LRP1B: variants seen among roughly 807,000 people sequenced by gnomAD.
LRP1B encodes the protein LDL receptor related protein 1B, also known as low-density lipoprotein receptor-related protein 1B.
In LRP1B, 217 loss-of-function variants were observed where a neutral mutation model predicts 556.6. That is an observed-to-expected ratio of 0.39 (90% confidence interval 0.35 to 0.44). The LOEUF (loss-of-function observed/expected upper bound fraction) is 0.44, where lower values mean the gene tolerates loss of function less well. Among genes scored for constraint, LRP1B ranks in the 20% least tolerant of loss-of-function variants. The probability of loss-of-function intolerance (pLI) is 1.00; values close to 1 mark genes in which losing one functional copy is unlikely to be tolerated. For missense variants in LRP1B, 5,053 were observed against 5,620.8 expected (o/e 0.90, Z 3.23); for synonymous variants, 2,047 against 1,865.8 (o/e 1.10, Z -2.50).
At chr2:140,470,664 AAAAAAAAAAT>A (rs1687730802) in intron 60 of LRP1B, among the ~76,000 whole-genome samples, 4 of 151,158 alleles carry the variant, frequency 2.6e-5, no homozygotes, top group South Asian at 2.1e-4. Flanking sequence ...AAAAAAAAAA[AAAAAAAAAAT>A]GGCAAAGATT....
At chr2:141,321,019 T>A (rs1329750282) in intron 3 of LRP1B, among the ~76,000 whole-genome samples, 1 of 152,152 alleles carries the variant, frequency 6.6e-6, no homozygotes, top group Non-Finnish European at 1.5e-5. Flanking sequence ...TTCCTCTTTA[T>A]CTTCTTTAAA....
chr2:141,742,692 T>C (rs991034189), intron 2 of LRP1B, among the ~76,000 whole-genome samples: 1 of 152,196 alleles, frequency 6.6e-6, no homozygotes, highest in African/African-American at 2.4e-5. Context: ...ATTGAATCTG[T>C]AGATTGCTTT....
At chr2:141,871,512 A>G (rs1270493629) in intron 1 of LRP1B, among the ~76,000 whole-genome samples, 1 of 151,994 alleles carries the variant, frequency 6.6e-6, no homozygotes, top group Non-Finnish European at 1.5e-5. Flanking sequence ...AACATAATAA[A>G]TGCATCTACC....
intron 1 of LRP1B, among the ~76,000 whole-genome samples, chr2:142,044,697 C>T (rs1410776731): frequency 6.6e-6 from 1 of 151,700 alleles, no homozygotes; most frequent in Non-Finnish European, 1.5e-5. Context: ...CTCTTTATGA[C>T]TATTTCCTTC....
intron 2 of LRP1B, among the ~76,000 whole-genome samples, chr2:141,484,265 A>T (rs757238504): frequency 1.8e-4 from 26 of 148,194 alleles, no homozygotes; most frequent in Non-Finnish European, 3.1e-4. Context: ...CAAAGATCAG[A>T]TAGTTGTAGA....
chr2:140,979,617 C>A (rs1358298807), intron 18 of LRP1B, among the ~76,000 whole-genome samples: 3 of 152,060 alleles, frequency 2.0e-5, no homozygotes, highest in Admixed American at 2.0e-4. Context: ...CATCAGGGTT[C>A]CTCCCCACCA....
At chr2:141,828,463 G>A (rs887618767) in intron 1 of LRP1B, among the ~76,000 whole-genome samples, 3 of 152,064 alleles carry the variant, frequency 2.0e-5, no homozygotes, top group Non-Finnish European at 4.4e-5. Flanking sequence ...AGAAACTAAA[G>A]GGATGGAGGA....
chr2:141,340,188 T>C (rs1421500862), intron 3 of LRP1B, among the ~76,000 whole-genome samples: 2 of 152,224 alleles, frequency 1.3e-5, no homozygotes, highest in Non-Finnish European at 1.5e-5. Context: ...TTTTGAATAG[T>C]TTGGAATATG....
intron 1 of LRP1B, among the ~76,000 whole-genome samples, chr2:142,033,057 T>A (rs979535199): frequency 6.6e-6 from 1 of 151,774 alleles, no homozygotes; most frequent in African/African-American, 2.4e-5. Context: ...CATTTCTAAA[T>A]CTTTCTTAAG....
In LRP1B at chr2:140,993,232, G is replaced by A. The variant is rs78224252; in HGVS notation, c.2644+763C>T. On this transcript the variant is annotated intron_variant, in intron 16 of 90. Coordinates refer to ENST00000389484, the MANE Select transcript of LRP1B (RefSeq NM_018557.3). ...ACAATGTTCTTAGGTCAGATAAAAAGATCAAGGATAAATTTGTTCAACACA... is the reference window on the plus strand; with the variant it reads ...ACAATGTTCTTAGGTCAGATAAAAAAATCAAGGATAAATTTGTTCAACACA... Among the ~76,000 whole-genome samples, 1,049 of 152,080 alleles carry A rather than the reference G, an allele frequency of 6.9e-3. 9 individuals are homozygous for A. Among genetic ancestry groups the A allele is most frequent in the African/African-American group, 0.023 (943 of 41,530 alleles).
intron 66 of LRP1B, among the ~76,000 whole-genome samples, chr2:140,418,607 C>CA (rs751774567): frequency 6.6e-6 from 1 of 151,762 alleles, no homozygotes; most frequent in Non-Finnish European, 1.5e-5. Context: ...TAACAGCAAC[C>CA]AAAATGAGAC....
In LRP1B at chr2:140,325,828, G is replaced by C. The variant is rs1466529472; in HGVS notation, c.12274C>G (p.Leu4092Val). The change falls in exon 80 of 91, where the codon CTC becomes GTC. Residue 4092 changes from leucine to valine, a missense_variant. Around this residue, in one of 5 missense-constraint regions of LRP1B, gnomAD observed 551 missense variants for 592.0 expected, o/e 0.93. Transcript: ENST00000389484. ...SERIYWADFELSIIGSVLYDG... is the reference protein window; with the variant it reads ...SERIYWADFEVSIIGSVLYDG... ...TACAGAACACTGCCAATGATGGAGA[G>C]CTCAAAGTCAGCCCAATATATGCGT... 1 of 1,613,112 alleles carries C rather than the reference G, an allele frequency of 6.2e-7. No individual in the cohort carries two copies. The highest frequency in any genetic ancestry group is 8.5e-7 in the Non-Finnish European group (1 of 1,179,524).
chr2:141,371,476 T>G (rs1243091733), intron 3 of LRP1B, among the ~76,000 whole-genome samples: 1 of 152,116 alleles, frequency 6.6e-6, no homozygotes, highest in African/African-American at 2.4e-5. Flanking sequence ...ATATGGTTAT[T>G]TTAACAATAT....
chr2:140,466,120 TTTTC>T (rs1281207056), intron 60 of LRP1B, among the ~76,000 whole-genome samples: 3 of 144,564 alleles, frequency 2.1e-5, no homozygotes, highest in African/African-American at 7.7e-5. Flanking sequence ...CTCTTTTCTT[TTTTC>T]TTTTTTTTTT....
intron 80 of LRP1B, among the ~76,000 whole-genome samples, 147 bp downstream of exon 80, chr2:140,325,609 AAATTTT>A (rs1263259201): frequency 6.6e-6 from 1 of 152,144 alleles, no homozygotes; most frequent in Non-Finnish European, 1.5e-5. Context: ...GTAGGAATGA[AAATTTT>A]AATTACTAGT....
At chr2:140,747,015 T>C (rs557463952) in intron 35 of LRP1B, among the ~76,000 whole-genome samples, 3 of 152,270 alleles carry the variant, frequency 2.0e-5, no homozygotes, top group South Asian at 2.1e-4. Context: ...TCAAAATACA[T>C]GTAGTCTAAA....
At chr2:140,478,932 T>C (rs1688098901) in intron 59 of LRP1B, among the ~76,000 whole-genome samples, 1 of 152,160 alleles carries the variant, frequency 6.6e-6, no homozygotes, top group African/African-American at 2.4e-5. Context: ...AGTTTAGTAA[T>C]ACTCTCCTAC....
rs918668066 is a variant in LRP1B at position 141,022,911 on chromosome 2, C to T, written c.1790-2809G>A. ...TAACTAATAGCAAACAAGAGCATGG[C>T]TATTTTAAACATCTGGTCAAAATCT... On this transcript the variant is annotated intron_variant, in intron 11 of 90. Transcript: ENST00000389484. Among the ~76,000 whole-genome samples the T allele has an allele frequency of 2.0e-5, 3 of 151,740 alleles. No individual in the cohort carries two copies. The South Asian group carries it at 6.2e-4, about 31-fold the overall frequency.
At chr2:140,922,597 C>T (rs1573882700) in intron 21 of LRP1B, among the ~76,000 whole-genome samples, 1 of 151,922 alleles carries the variant, frequency 6.6e-6, no homozygotes, top group Non-Finnish European at 1.5e-5. Flanking sequence ...TTATCTCTCT[C>T]GATTCTGAAT....
Sources: allele counts gnomAD v4.1 joint callset (sites outside exome capture counted in the v4.1 genomes callset), GRCh38; gene constraint gnomAD v4.1.1; regional missense constraint gnomAD v4.1.1; transcripts MANE v1.5; gene names NCBI Gene and HGNC (gene_info 2026-07-23, HGNC 2026-07-21).